Variants in DIS3 observed in about 807,000 individuals in gnomAD.
The protein encoded by DIS3 is DIS3 exosome endoribonuclease and 3'-5' exoribonuclease, also known as exosome complex exonuclease RRP44.
Under a neutral mutation model 113.0 loss-of-function variants are expected in DIS3, and 103 were observed. The ratio of observed to expected loss-of-function variants is 0.91; its 90% CI spans 0.78 to 1.07. DIS3 has a LOEUF of 1.07. Among genes scored for constraint, DIS3 ranks in the 50% least tolerant of loss-of-function variants. The pLI is 0.00. For synonymous variants in DIS3, 402 were observed against 394.3 expected, an observed-to-expected ratio of 1.02 and a Z score of -0.23; for missense variants, 1,121 against 1,167.1, an observed-to-expected ratio of 0.96 and a Z score of 0.58.
In DIS3 at chr13:72,756,780, T is replaced by G. The variant is rs2138132752; in HGVS notation, c.*3015A>C. On this transcript the variant is annotated 3_prime_UTR_variant, in exon 21 of 21. Coordinates refer to ENST00000377767, the MANE Select transcript of DIS3 (RefSeq NM_014953.5). The stretch of plus-strand genomic sequence containing the variant: ...GCCGCCCTGTGAAAAAGGTGCCTGC[T>G]TCTCCTTTTTCTGCCATGATTGTGT... 1 of 152,330 alleles carries G rather than the reference T, an allele frequency of 6.6e-6. No homozygotes were observed. The highest frequency in any genetic ancestry group is 2.4e-5 in the African/African-American group (1 of 41,558). The allele number at this position is 152,330 out of a possible 1,614,324, so 9.4% of individuals were successfully genotyped here. A position where few individuals can be genotyped will look rare whatever the true frequency, so the allele number is the denominator to read the frequency against.
chr13:72,753,706 A>G lies in DIS3; in HGVS notation c.*6089T>C. ...TCCTGTCAGATGGATAGTGGCTATAATACGCAGAATTGTGGAAGCAATATT... is the reference window on the plus strand; with the variant it reads ...TCCTGTCAGATGGATAGTGGCTATAGTACGCAGAATTGTGGAAGCAATATT... On this transcript the variant is annotated 3_prime_UTR_variant, in exon 21 of 21. Transcript: ENST00000377767. 3 of 1,612,576 alleles carry G rather than the reference A, an allele frequency of 1.9e-6. No individual in the cohort carries two copies. Among genetic ancestry groups the G allele is most frequent in the Non-Finnish European group, 2.5e-6 (3 of 1,179,454 alleles).
intron 2 of DIS3, 92 bp from the exon 3 acceptor site, chr13:72,778,472 A>C: frequency 3.0e-6 from 3 of 993,112 alleles, no homozygotes; most frequent in Non-Finnish European, 4.2e-6. Flanking sequence ...CCACTAAACT[A>C]GAAAAAGTCA....
chr13:72,768,563 G>A (rs1315212102), intron 14 of DIS3, among the ~76,000 whole-genome samples: 7 of 152,120 alleles, frequency 4.6e-5, no homozygotes, highest in South Asian at 2.1e-4. Context: ...AGAATTGTTC[G>A]AATTCGGGAG....
At position 72,754,036 on chromosome 13, in the gene DIS3, A is replaced by T; in HGVS notation, c.*5759T>A. 2.2e-6 allele frequency: 1 copy of T among 452,430 alleles called. No homozygotes were observed. The highest frequency in any genetic ancestry group is 3.9e-6 in the Non-Finnish European group (1 of 259,292). 28.0% of individuals were successfully genotyped at this position (452,430 alleles called of 1,614,324 possible). A position where few individuals can be genotyped will look rare whatever the true frequency, so the allele number is the denominator to read the frequency against. On this transcript the variant is annotated 3_prime_UTR_variant, in exon 21 of 21. Transcript: ENST00000377767. The stretch of plus-strand genomic sequence containing the variant: ...TACAAAGTGTGCAAAGGTAGCGTGT[A>T]TTTGATGAGGGCATTTACTGAACCT...
At chr13:72,768,726 T>C (rs2033812594) in intron 14 of DIS3, 59 bp downstream of exon 14, 6 of 1,306,206 alleles carry the variant, frequency 4.6e-6, no homozygotes, top group South Asian at 4.4e-5. Context: ...TCATTGCCTA[T>C]GATCAAACAA....
Position 72,756,772 on chromosome 13 carries a change from G to A in DIS3, c.*3023C>T, listed in dbSNP as rs1260310801. On this transcript the variant is annotated 3_prime_UTR_variant, in exon 21 of 21. Coordinates refer to ENST00000377767, the MANE Select transcript of DIS3 (RefSeq NM_014953.5). ...TTCATCCTGCCGCCCTGTGAAAAAGGTGCCTGCTTCTCCTTTTTCTGCCAT... is the reference window on the plus strand; with the variant it reads ...TTCATCCTGCCGCCCTGTGAAAAAGATGCCTGCTTCTCCTTTTTCTGCCAT... 6.6e-6 allele frequency: 1 copy of A among 152,186 alleles called. No homozygotes were observed. Among genetic ancestry groups the A allele is most frequent in the Non-Finnish European group, 1.5e-5 (1 of 68,086 alleles). 9.4% of individuals were successfully genotyped at this position (152,186 alleles called of 1,614,324 possible).
At position 72,755,113 on chromosome 13, in the gene DIS3, C is replaced by T. The variant is rs143482374; in HGVS notation, c.*4682G>A. ...ATAATTGCATCCTCCAGTGGTCCTA[C>T]TTAAACTGAAAACAAGGTATTGTCT... On this transcript the variant is annotated 3_prime_UTR_variant, in exon 21 of 21. Transcript: ENST00000377767. 1 of 1,590,094 alleles carries T rather than the reference C, an allele frequency of 6.3e-7. No homozygotes were observed. Among genetic ancestry groups the T allele is most frequent in the Non-Finnish European group, 8.6e-7 (1 of 1,159,238 alleles).
chr13:72,753,966 C>G lies in DIS3; in HGVS notation c.*5829G>C, dbSNP rs767244742. The stretch of plus-strand genomic sequence containing the variant: ...GCCTGTTTTCTTAACATCCAATAAC[C>G]TTTAAATATTTTGGTTACTCTGAAT... On this transcript the variant is annotated 3_prime_UTR_variant, in exon 21 of 21. Coordinates refer to ENST00000377767, the MANE Select transcript of DIS3 (RefSeq NM_014953.5). The G allele has an allele frequency of 8.4e-6, 7 of 837,410 alleles. No individual in the cohort carries two copies. Among genetic ancestry groups the G allele is most frequent in the Non-Finnish European group, 1.1e-5 (6 of 557,294 alleles). The allele number at this position is 837,410 out of a possible 1,614,324, so 51.9% of individuals were successfully genotyped here.
intron 13 of DIS3, among the ~76,000 whole-genome samples, chr13:72,769,191 T>C (rs974779864): frequency 6.6e-6 from 1 of 152,226 alleles, no homozygotes; most frequent in African/African-American, 2.4e-5. Context: ...TATATTCCAA[T>C]TACTGTATAA....
chr13:72,758,610 AT>A lies in DIS3; in HGVS notation c.*1184del. On this transcript the variant is annotated 3_prime_UTR_variant, in exon 21 of 21. Coordinates refer to ENST00000377767, the MANE Select transcript of DIS3 (RefSeq NM_014953.5). ...CCTGGACCAAAGACTACTCAAGTCTATTTTCCTCCAACTGACACAAGTTTCT... is the reference window on the plus strand; with the variant it reads ...CCTGGACCAAAGACTACTCAAGTCTATTTCCTCCAACTGACACAAGTTTCT... 1 of 219,846 alleles carries A rather than the reference AT, an allele frequency of 4.5e-6. No homozygotes were observed. Among genetic ancestry groups the A allele is most frequent in the Non-Finnish European group, 9.1e-6 (1 of 109,544 alleles). The allele number at this position is 219,846 out of a possible 1,614,324, so 13.6% of individuals were successfully genotyped here. A position where few individuals can be genotyped will look rare whatever the true frequency, so the allele number is the denominator to read the frequency against.
chr13:72,773,596 A>G, intron 8 of DIS3, 88 bp downstream of exon 8: 1 of 1,393,430 alleles, frequency 7.2e-7, no homozygotes, highest in South Asian at 1.5e-5. Flanking sequence ...ATTCTACATA[A>G]AAGTAGATTG....
Position 72,754,001 on chromosome 13 carries a change from T to A in DIS3, c.*5794A>T. ...TTTGGTTACTCTGAATACACAAGTA[T>A]CTTACATACTACAAAGTGTGCAAAG... On this transcript the variant is annotated 3_prime_UTR_variant, in exon 21 of 21. Coordinates refer to ENST00000377767, the MANE Select transcript of DIS3 (RefSeq NM_014953.5). The A allele has an allele frequency of 1.7e-6, 1 of 591,436 alleles. No individual in the cohort carries two copies. The allele number at this position is 591,436 out of a possible 1,614,324, so 36.6% of individuals were successfully genotyped here.
intron 16 of DIS3, 51 bp from the exon 17 acceptor site, chr13:72,762,188 T>A: frequency 7.0e-7 from 1 of 1,429,082 alleles, no homozygotes; most frequent in Non-Finnish European, 9.7e-7. Flanking sequence ...TCTAAGTCAG[T>A]ACCATTATGT....
Position 72,769,496 on chromosome 13 carries a change from C to CTT in DIS3, c.1756-586_1756-585dup, listed in dbSNP as rs199556690. Among the ~76,000 whole-genome samples the CTT allele has an allele frequency of 8.2e-3, 1,159 of 141,580 alleles. 22 individuals are homozygous for CTT. The highest frequency in any genetic ancestry group is 0.029 in the African/African-American group (1,118 of 38,812). 92.9% of individuals were successfully genotyped at this position (141,580 alleles called of 152,430 possible). ...TCAGAGAAATCCATCATTTTTTTTC[C>CTT]TTTTTTTTTTTTTTGTTTGTCTAAG... On this transcript the variant is annotated intron_variant, in intron 13 of 20. Coordinates refer to ENST00000377767, the MANE Select transcript of DIS3 (RefSeq NM_014953.5).
chr13:72,763,334 G>T, intron 16 of DIS3, 117 bp downstream of exon 16: 5 of 1,221,350 alleles, frequency 4.1e-6, no homozygotes, highest in Non-Finnish European at 5.5e-6. Flanking sequence ...AAGAACTATT[G>T]GCATATTCTT....
intron 14 of DIS3, among the ~76,000 whole-genome samples, chr13:72,767,387 T>C (rs2033775325): frequency 6.6e-6 from 1 of 152,218 alleles, no homozygotes; most frequent in South Asian, 2.1e-4. Flanking sequence ...AAAAAAACTT[T>C]GTGGTGTTTT....
intron 2 of DIS3, among the ~76,000 whole-genome samples, chr13:72,780,515 T>C (rs1419464384): frequency 6.6e-6 from 1 of 152,076 alleles, no homozygotes; most frequent in Non-Finnish European, 1.5e-5. Flanking sequence ...CATAATATGG[T>C]ATTCCAGGAA....
In DIS3 at chr13:72,759,797, A is replaced by C; in HGVS notation, c.2875T>G (p.Ter959GluextTer14). The C allele has an allele frequency of 6.2e-7, 1 of 1,611,464 alleles. No homozygotes were observed. ...TTGAAGATTTTTGTTGAATATAGCTATTTTCCAAGCTTCATCTTCTTTTTC... is the reference window on the plus strand; with the variant it reads ...TTGAAGATTTTTGTTGAATATAGCTCTTTTCCAAGCTTCATCTTCTTTTTC... ...PKKKKMKLGK[*>E] The change falls in exon 21 of 21, where the codon TAG (stop) becomes GAG (glutamate). Residue 959 changes from the stop codon to glutamate (E), a stop_lost. Transcript: ENST00000377767.
intron 13 of DIS3, among the ~76,000 whole-genome samples, chr13:72,770,597 G>C (rs2033861786): frequency 6.6e-6 from 1 of 152,136 alleles, no homozygotes; most frequent in Non-Finnish European, 1.5e-5. Context: ...CTGAGAGTAG[G>C]TAGCAAAAGG....
Sources: gnomAD v4.1 joint callset for allele counts (sites outside exome capture counted in the v4.1 genomes callset) on GRCh38, gnomAD v4.1.1 for gene constraint, MANE v1.5 for transcripts, NCBI Gene and HGNC (gene_info 2026-07-23, HGNC 2026-07-21) for gene names.